The following PRKAG2 variants were observed in gnomAD, a reference collection of about 807,000 sequenced individuals.
The protein encoded by PRKAG2 is protein kinase AMP-activated non-catalytic subunit gamma 2.
PRKAG2 carries 26 observed loss-of-function variants against 69.6 expected under a neutral mutation model. The ratio of observed to expected loss-of-function variants is 0.37; its 90% CI spans 0.27 to 0.52. The LOEUF is 0.52. Among genes scored for constraint, PRKAG2 ranks in the 20% least tolerant of loss-of-function variants. The pLI is 0.90. For missense variants in PRKAG2, 557 were observed against 740.0 expected, an observed-to-expected ratio of 0.75 and a Z score of 2.87; for synonymous variants, 293 against 285.0, an observed-to-expected ratio of 1.03 and a Z score of -0.28.
intron 1 of PRKAG2, among the ~76,000 whole-genome samples, chr7:151,837,680 C>G (rs2079177775): frequency 6.6e-6 from 1 of 152,182 alleles, no homozygotes; most frequent in Non-Finnish European, 1.5e-5. Flanking sequence ...GCACTTTTCT[C>G]AGGGGGCTCT....
At chr7:151,865,217 C>T (rs907123079) in intron 1 of PRKAG2, among the ~76,000 whole-genome samples, 6 of 152,196 alleles carry the variant, frequency 3.9e-5, no homozygotes, top group African/African-American at 1.4e-4. Flanking sequence ...CTTGCTGCTG[C>T]CTAGACGGCC....
At chr7:151,734,710 C>T (rs1010371012) in intron 3 of PRKAG2, among the ~76,000 whole-genome samples, 2 of 152,024 alleles carry the variant, frequency 1.3e-5, no homozygotes, top group East Asian at 1.9e-4. Context: ...CCACCATGCT[C>T]GGCTAACTTT....
intron 3 of PRKAG2, among the ~76,000 whole-genome samples, chr7:151,684,874 G>A (rs1463624632): frequency 6.6e-6 from 1 of 152,166 alleles, no homozygotes; most frequent in Non-Finnish European, 1.5e-5. Context: ...TGAGGGCGTG[G>A]AGGCCAGTCC....
chr7:151,795,872 T>C (rs1311267857), intron 1 of PRKAG2, among the ~76,000 whole-genome samples: 1 of 114,628 alleles, frequency 8.7e-6, no homozygotes, highest in African/African-American at 3.5e-5. Flanking sequence ...TATATATATA[T>C]ATATATATAT....
intron 3 of PRKAG2, among the ~76,000 whole-genome samples, chr7:151,682,954 C>G (rs1834107624): frequency 6.6e-6 from 1 of 152,210 alleles, no homozygotes; most frequent in Non-Finnish European, 1.5e-5. Flanking sequence ...CAAAGTCACC[C>G]AAGAAGGCTC....
chr7:151,869,834 G>A (rs1342379201), intron 1 of PRKAG2, among the ~76,000 whole-genome samples: 1 of 152,190 alleles, frequency 6.6e-6, no homozygotes, highest in Admixed American at 6.5e-5. Flanking sequence ...CCAGTCTGAG[G>A]ACCCCATCAC....
chr7:151,700,417 A>G (rs1417920923), intron 3 of PRKAG2, among the ~76,000 whole-genome samples: 2 of 151,586 alleles, frequency 1.3e-5, no homozygotes, highest in Non-Finnish European at 2.9e-5. Context: ...CTTTGACAAG[A>G]CTCTTCAGTG....
chr7:151,679,381 G>A (rs554209673), intron 3 of PRKAG2, among the ~76,000 whole-genome samples: 10 of 152,278 alleles, frequency 6.6e-5, no homozygotes, highest in East Asian at 1.9e-4. Context: ...GCAGGGGCTC[G>A]TCCTGGTCCC....
chr7:151,597,687 C>T (rs1262923343), intron 5 of PRKAG2, among the ~76,000 whole-genome samples: 2 of 152,060 alleles, frequency 1.3e-5, no homozygotes, highest in Non-Finnish European at 1.5e-5. Flanking sequence ...AAAATGTCCA[C>T]CATCGCTAGT....
chr7:151,824,312 C>G (rs1259322309), intron 1 of PRKAG2, among the ~76,000 whole-genome samples: 1 of 152,188 alleles, frequency 6.6e-6, no homozygotes, highest in African/African-American at 2.4e-5. Flanking sequence ...TCCCCACTTC[C>G]TGTCATCCTG....
At chr7:151,572,483 T>C (rs1184002007) in intron 9 of PRKAG2, 181 bp downstream of exon 9, 5 of 535,308 alleles carry the variant, frequency 9.3e-6, no homozygotes, top group East Asian at 3.2e-5. Context: ...GAAGGGACAA[T>C]ACTTATATTG....
intron 6 of PRKAG2, among the ~76,000 whole-genome samples, chr7:151,580,392 G>C (rs1005395742): frequency 6.6e-6 from 1 of 152,074 alleles, no homozygotes; most frequent in African/African-American, 2.4e-5. Context: ...CTGAAGGAAA[G>C]ATTCTAGACC....
At chr7:151,746,402 A>C (rs1000823118) in intron 3 of PRKAG2, among the ~76,000 whole-genome samples, 5 of 152,232 alleles carry the variant, frequency 3.3e-5, no homozygotes, top group Non-Finnish European at 7.3e-5. Context: ...AGGTCAGAGA[A>C]CCTTAAAGCA....
chr7:151,693,721 G>A (rs529953186), intron 3 of PRKAG2, among the ~76,000 whole-genome samples: 2 of 152,264 alleles, frequency 1.3e-5, no homozygotes, highest in East Asian at 3.9e-4. Context: ...GGTGCCCCAT[G>A]CCCTTACAAG....
rs1347062084 is a variant in PRKAG2 at position 151,675,630 on chromosome 7, G to A, written c.474C>T (p.Gly158=). The change falls in exon 4 of 16, where the codon GGC becomes GGT. Residue 158 remains glycine (G), a synonymous_variant. Coordinates refer to ENST00000287878, the MANE Select transcript of PRKAG2 (RefSeq NM_016203.4). ...RFFSRSRKTS[G]LSSSPSTPTQ... is the part of the protein sequence containing the mutation. Reference sequence around the variant, plus strand: ...TGGGTGTTGACGGAGAGGAGGAGAGGCCGGAGGCTGCAGAAGAAACACCAA... The same window carrying A: ...TGGGTGTTGACGGAGAGGAGGAGAGACCGGAGGCTGCAGAAGAAACACCAA... 2 of 1,612,994 alleles carry A rather than the reference G, an allele frequency of 1.2e-6. No homozygotes were observed. Among genetic ancestry groups the A allele is most frequent in the South Asian group, 1.1e-5 (1 of 91,066 alleles).
At position 151,807,394 on chromosome 7, in the gene PRKAG2, C is replaced by G; in HGVS notation, c.115-20853G>C. On this transcript the variant is annotated intron_variant, in intron 1 of 15. Transcript: ENST00000287878. This position sits in a 1 kb window ranked among gnomAD's most constrained non-coding sequence, Gnocchi z 4.4. ...CAGCGGGAGTGGAATTTTCAGGAAG[C>G]AGCTGTGCTGTGGGTGACGGTCATA... 1 of 457,230 alleles carries G rather than the reference C, an allele frequency of 2.2e-6. No homozygotes were observed. The highest frequency in any genetic ancestry group is 1.5e-5 in the South Asian group (1 of 64,558). The allele number at this position is 457,230 out of a possible 1,614,324, so 28.3% of individuals were successfully genotyped here.
chr7:151,565,913 T>C, intron 11 of PRKAG2, 28 bp from the exon 12 acceptor site: 1 of 1,600,548 alleles, frequency 6.2e-7, no homozygotes. Context: ...GCAAACGTTC[T>C]AGACCCAGAA....
intron 1 of PRKAG2, among the ~76,000 whole-genome samples, chr7:151,865,982 T>A (rs557685287): frequency 7.7e-5 from 11 of 142,152 alleles, no homozygotes; most frequent in African/African-American, 2.4e-4. Context: ...ATCGCACCAC[T>A]GCACTCCAGC....
intron 5 of PRKAG2, among the ~76,000 whole-genome samples, chr7:151,622,770 C>T (rs1821842558): frequency 6.6e-6 from 1 of 152,168 alleles, no homozygotes. Context: ...TACCTGTGTC[C>T]ACATGGGGCA....
Sources: gnomAD v4.1 joint callset for allele counts (sites outside exome capture counted in the v4.1 genomes callset) on GRCh38, gnomAD v4.1.1 for gene constraint, Gnocchi (gnomAD v3.1) non-coding constraint, MANE v1.5 for transcripts, NCBI Gene and HGNC (gene_info 2026-07-23, HGNC 2026-07-21) for gene names.